Variants in MOSMO observed in about 807,000 individuals in gnomAD.
The protein encoded by MOSMO is modulator of smoothened.
MOSMO carries 5 observed loss-of-function variants against 18.4 expected under a neutral mutation model. That is an observed-to-expected ratio of 0.27 (90% CI 0.14 to 0.57). MOSMO has a LOEUF of 0.57. Ranked by LOEUF, MOSMO falls within the 20% of genes least tolerant of loss-of-function variation. The pLI is 0.92. For synonymous variants in MOSMO, 82 were observed against 82.3 expected (o/e 1.00, Z 0.02); for missense variants, 138 against 211.8 (o/e 0.65, Z 2.16).
chr16:22,032,027 G>A (rs1000887885), intron 1 of MOSMO, among the ~76,000 whole-genome samples: 1 of 152,010 alleles, frequency 6.6e-6, no homozygotes, highest in Non-Finnish European at 1.5e-5. Flanking sequence ...TGTTATTTGT[G>A]TTTTTGATTC....
rs1900948224 is a variant in MOSMO, at chr16:22,075,536, A to T, written c.156A>T (p.Arg52=). 6.5e-7 allele frequency: 1 copy of T among 1,537,238 alleles called. No homozygotes were observed. The highest frequency in any genetic ancestry group is 2.0e-5 in the Admixed American group (1 of 50,988). Reference sequence around the variant, plus strand: ...GACAGTGTCAAACAATCCATGGACGAGACCGGACGTGCATCCCTCCCCGGC... The same window carrying T: ...GACAGTGTCAAACAATCCATGGACGTGACCGGACGTGCATCCCTCCCCGGC... The part of the protein sequence containing the change: ...LVRQCQTIHG[R]DRTCIPPRLP... The change falls in exon 2 of 3, where the codon CGA becomes CGT. Residue 52 remains arginine (R), a synonymous_variant. Coordinates refer to ENST00000542527, the MANE Select transcript of MOSMO (RefSeq NM_001164579.2).
intron 1 of MOSMO, among the ~76,000 whole-genome samples, chr16:22,056,352 C>CCTTT (rs1284280169): frequency 1.4e-5 from 2 of 145,940 alleles, no homozygotes; most frequent in Non-Finnish European, 3.0e-5. Context: ...TTTTCTCCCT[C>CCTTT]CTTTCTTTCT....
At position 22,081,508 on chromosome 16, in the gene MOSMO, A is replaced by G. The variant is rs1488131487; in HGVS notation, c.*628A>G. ...TCTCTGTGTACAAAAAAAAAAAAAA[A>G]TCAAACACTAAGACACATGTTTTGG... On this transcript the variant is annotated 3_prime_UTR_variant, in exon 3 of 3. Coordinates refer to ENST00000542527, the MANE Select transcript of MOSMO (RefSeq NM_001164579.2). 8.1e-6 allele frequency: 1 copy of G among 123,208 alleles called. No individual in the cohort carries two copies. The highest frequency in any genetic ancestry group is 3.0e-5 in the African/African-American group (1 of 33,808). 7.6% of individuals were successfully genotyped at this position (123,208 alleles called of 1,614,324 possible). A position where few individuals can be genotyped will look rare whatever the true frequency, so the allele number is the denominator to read the frequency against.
chr16:22,020,819 G>C (rs1241577876), intron 1 of MOSMO, among the ~76,000 whole-genome samples: 1 of 152,180 alleles, frequency 6.6e-6, no homozygotes, highest in African/African-American at 2.4e-5. Context: ...TCTTATTCTT[G>C]ATCGGTTTGA....
chr16:22,092,281 A>C (rs566173782), downstream of MOSMO: 129 of 196,702 alleles, frequency 6.6e-4, no homozygotes, highest in African/African-American at 2.9e-3. Context: ...GGCACGCACC[A>C]GGGCTGTACT....
In MOSMO at chr16:22,060,439, G is replaced by T. The variant is rs1251924335; in HGVS notation, c.107-15048G>T. Among the ~76,000 whole-genome samples, 5 of 152,110 alleles carry T rather than the reference G, an allele frequency of 3.3e-5. 1 individual carries two copies. Among genetic ancestry groups the T allele is most frequent in the Admixed American group, 2.0e-4 (3 of 15,268 alleles). ...ATGTTCTATATCATTAAACATTAGG[G>T]AAATAAAACCACAGTAAGAGACCTC... On this transcript the variant is annotated intron_variant, in intron 1 of 2. Transcript: ENST00000542527.
At chr16:22,030,304 T>A (rs954267639) in intron 1 of MOSMO, among the ~76,000 whole-genome samples, 1 of 152,150 alleles carries the variant, frequency 6.6e-6, no homozygotes, top group African/African-American at 2.4e-5. Flanking sequence ...AGAAAAAGAT[T>A]CAAATACAGT....
At chr16:22,072,453 G>T (rs919246357) in intron 1 of MOSMO, among the ~76,000 whole-genome samples, 6 of 152,206 alleles carry the variant, frequency 3.9e-5, no homozygotes, top group African/African-American at 1.4e-4. Context: ...TACTGAATGT[G>T]TGAGCATATT....
chr16:22,038,664 G>A lies in MOSMO; in HGVS notation c.106+30257G>A, dbSNP rs190007395. 3.9e-3 allele frequency among the ~76,000 whole-genome samples: 592 copies of A among 152,272 alleles called. 6 individuals carry two copies. The highest frequency in any genetic ancestry group is 0.014 in the African/African-American group (563 of 41,560). The stretch of plus-strand genomic sequence containing the variant: ...ATGGGAGTGATAATACTGGTAGGAA[G>A]TTTGAAAAGAGTATATATTTTAAAA... On this transcript the variant is annotated intron_variant, in intron 1 of 2. Coordinates refer to ENST00000542527, the MANE Select transcript of MOSMO (RefSeq NM_001164579.2).
intron 1 of MOSMO, among the ~76,000 whole-genome samples, chr16:22,059,291 C>T (rs900818635): frequency 2.0e-5 from 3 of 152,070 alleles, no homozygotes; most frequent in African/African-American, 7.2e-5. Flanking sequence ...GTTTAGCTGT[C>T]TGTTCAGATG....
rs199921661 is a variant in MOSMO, at chr16:22,081,064, TA to T, written c.*201del. On this transcript the variant is annotated 3_prime_UTR_variant, in exon 3 of 3. Transcript: ENST00000542527. ...TTGTTCTCACTATGCACTTTGGATT[TA>T]AAAAAAAAAAAAAAAAGGAGAGCCT... 11,950 of 176,778 alleles carry T rather than the reference TA, an allele frequency of 0.068. 6 individuals carry two copies. Among genetic ancestry groups the T allele is most frequent in the East Asian group, 0.16 (1,550 of 9,532 alleles). The allele number at this position is 176,778 out of a possible 1,614,324, so 11.0% of individuals were successfully genotyped here. A position where few individuals can be genotyped will look rare whatever the true frequency, so the allele number is the denominator to read the frequency against.
chr16:22,019,949 C>T (rs1196629078), intron 1 of MOSMO, among the ~76,000 whole-genome samples: 1 of 151,946 alleles, frequency 6.6e-6, no homozygotes. Context: ...TGCGGTGGCT[C>T]ACGCCTGTAA....
Position 22,057,763 on chromosome 16 carries a change from C to T in MOSMO, c.107-17724C>T, listed in dbSNP as rs374262983. Among the ~76,000 whole-genome samples, 29 of 152,230 alleles carry T rather than the reference C, an allele frequency of 1.9e-4. No individual in the cohort carries two copies. In the East Asian group the frequency reaches 2.5e-3, roughly 13 times the overall value. ...GGAGAAATGTAGTTTTAACAGGAAC[C>T]TATTAACAGGAAGAATTTACGAGGG... is the stretch of plus-strand genomic sequence containing the variant. On this transcript the variant is annotated intron_variant, in intron 1 of 2. Coordinates refer to ENST00000542527, the MANE Select transcript of MOSMO (RefSeq NM_001164579.2).
intron 1 of MOSMO, among the ~76,000 whole-genome samples, chr16:22,041,586 G>A (rs964751508): frequency 1.3e-5 from 2 of 152,272 alleles, no homozygotes; most frequent in Non-Finnish European, 1.5e-5. Context: ...ATAAATGGAT[G>A]AGAAGGGAAT....
intron 1 of MOSMO, among the ~76,000 whole-genome samples, chr16:22,022,934 C>T (rs1899794853): frequency 2.6e-5 from 4 of 152,064 alleles, no homozygotes; most frequent in Admixed American, 2.6e-4. Context: ...GTTACAGCAG[C>T]CCAAATGGAC....
intron 1 of MOSMO, among the ~76,000 whole-genome samples, chr16:22,043,989 G>A (rs953651812): frequency 1.3e-4 from 20 of 151,940 alleles, no homozygotes; most frequent in African/African-American, 4.6e-4. Flanking sequence ...CATGGCTGCA[G>A]GCAAGAGAGA....
intron 1 of MOSMO, among the ~76,000 whole-genome samples, chr16:22,056,158 C>G (rs1900528524): frequency 6.6e-6 from 1 of 152,070 alleles, no homozygotes; most frequent in African/African-American, 2.4e-5. Flanking sequence ...ATACCCTGTG[C>G]TAGACTTTGT....
chr16:22,058,614 G>A (rs1383897521), intron 1 of MOSMO, among the ~76,000 whole-genome samples: 1 of 152,068 alleles, frequency 6.6e-6, no homozygotes, highest in African/African-American at 2.4e-5. Flanking sequence ...TTTCAGAGTG[G>A]GAACCTATGG....
intron 1 of MOSMO, among the ~76,000 whole-genome samples, chr16:22,029,281 A>G (rs1899946663): frequency 6.6e-6 from 1 of 152,202 alleles, no homozygotes; most frequent in African/African-American, 2.4e-5. Context: ...TGTTAGATAC[A>G]TGTATGATTC....
Sources: gnomAD v4.1 joint callset for allele counts (sites outside exome capture counted in the v4.1 genomes callset) on GRCh38, gnomAD v4.1.1 for gene constraint, MANE v1.5 for transcripts, NCBI Gene and HGNC (gene_info 2026-07-23, HGNC 2026-07-21) for gene names.